The following ERC2 variants were observed in gnomAD, a reference collection of about 807,000 sequenced individuals.
The protein encoded by ERC2 is ERC protein 2.
ERC2 carries 42 observed loss-of-function variants against 114.8 expected under a neutral mutation model. The observed-to-expected ratio is 0.37, with a 90% confidence interval of 0.29 to 0.47. ERC2 has a LOEUF of 0.47. Ranked by LOEUF, ERC2 falls within the 20% of genes least tolerant of loss-of-function variation. The pLI is 0.99. For missense variants in ERC2, 939 were observed against 1,150.7 expected (o/e 0.82, Z 2.66); for synonymous variants, 454 against 425.5 (o/e 1.07, Z -0.82).
At chr3:55,564,916 C>T (rs1342153210) in intron 17 of ERC2, among the ~76,000 whole-genome samples, 1 of 152,244 alleles carries the variant, frequency 6.6e-6, no homozygotes, top group African/African-American at 2.4e-5. Flanking sequence ...CATATGTTCT[C>T]CGTGGCAGTA....
chr3:56,064,472 C>G (rs1019931789), intron 7 of ERC2, among the ~76,000 whole-genome samples: 2 of 152,208 alleles, frequency 1.3e-5, no homozygotes, highest in Non-Finnish European at 2.9e-5. Flanking sequence ...AATATCTCCA[C>G]TCCATGTCAA....
At chr3:56,071,854 C>T (rs1451821221) in intron 7 of ERC2, among the ~76,000 whole-genome samples, 1 of 152,198 alleles carries the variant, frequency 6.6e-6, no homozygotes, top group Non-Finnish European at 1.5e-5. Context: ...ATCCAAGAGA[C>T]ATGAAGCACA....
At chr3:56,327,398 A>G (rs2057411867) in intron 2 of ERC2, among the ~76,000 whole-genome samples, 1 of 152,202 alleles carries the variant, frequency 6.6e-6, no homozygotes, top group African/African-American at 2.4e-5. Flanking sequence ...CCATGATTCA[A>G]TTACCTCCAT....
At chr3:56,214,176 C>T (rs1050624751) in intron 3 of ERC2, among the ~76,000 whole-genome samples, 1 of 152,296 alleles carries the variant, frequency 6.6e-6, no homozygotes, top group South Asian at 2.1e-4. Context: ...AAGAAGGCTT[C>T]AGACAATCAA....
At chr3:56,374,128 G>A (rs149370265) in intron 2 of ERC2, among the ~76,000 whole-genome samples, 3 of 152,156 alleles carry the variant, frequency 2.0e-5, no homozygotes, top group South Asian at 2.1e-4. Flanking sequence ...ACTGAGTCTC[G>A]CTCTGTCGCC....
intron 14 of ERC2, among the ~76,000 whole-genome samples, chr3:55,837,249 A>T (rs1004286814): frequency 3.9e-5 from 6 of 152,212 alleles, no homozygotes; most frequent in Non-Finnish European, 7.3e-5. Flanking sequence ...CCATCCCATT[A>T]CTGGGTATAT....
chr3:55,790,988 C>A (rs556930676), intron 14 of ERC2, among the ~76,000 whole-genome samples: 3 of 152,232 alleles, frequency 2.0e-5, no homozygotes, highest in Non-Finnish European at 4.4e-5. Flanking sequence ...GGGTGGGTAA[C>A]CCACCTGGGC....
intron 7 of ERC2, among the ~76,000 whole-genome samples, chr3:56,032,700 C>A (rs922263408): frequency 1.2e-4 from 18 of 151,820 alleles, no homozygotes; most frequent in African/African-American, 4.1e-4. Context: ...ACAACAGGAA[C>A]CTTGGAACCC....
intron 6 of ERC2, among the ~76,000 whole-genome samples, chr3:56,088,175 C>T (rs1227679315): frequency 6.6e-6 from 1 of 152,118 alleles, no homozygotes; most frequent in Admixed American, 6.6e-5. Context: ...TACAAGATGG[C>T]AGAACCTTCC....
intron 3 of ERC2, among the ~76,000 whole-genome samples, chr3:56,199,023 T>G (rs1173752306): frequency 6.6e-6 from 1 of 152,178 alleles, no homozygotes; most frequent in Non-Finnish European, 1.5e-5. Flanking sequence ...AGGTATTTAT[T>G]GAGCATCTAT....
At chr3:56,192,898 T>C (rs1182351074) in intron 3 of ERC2, among the ~76,000 whole-genome samples, 3 of 152,128 alleles carry the variant, frequency 2.0e-5, no homozygotes, top group Admixed American at 6.6e-5. Context: ...GGTATCAGTT[T>C]TCCATAAGGT....
chr3:56,049,497 G>C (rs765875971), intron 7 of ERC2, among the ~76,000 whole-genome samples: 2 of 152,152 alleles, frequency 1.3e-5, no homozygotes, highest in Non-Finnish European at 2.9e-5. Flanking sequence ...TTTCTGTGAG[G>C]GTGTTGCCAA....
chr3:56,207,227 AG>A (rs1332914854), intron 3 of ERC2, among the ~76,000 whole-genome samples: 1 of 152,070 alleles, frequency 6.6e-6, no homozygotes, highest in Non-Finnish European at 1.5e-5. Context: ...ATTCAAAACA[AG>A]GGATTATTTT....
At chr3:56,127,533 G>T (rs2079944733) in intron 6 of ERC2, among the ~76,000 whole-genome samples, 1 of 152,036 alleles carries the variant, frequency 6.6e-6, no homozygotes, top group Admixed American at 6.5e-5. Context: ...TTCAAAACCA[G>T]CCTGCCCAAT....
intron 17 of ERC2, among the ~76,000 whole-genome samples, chr3:55,553,112 C>T (rs892543282): frequency 2.8e-5 from 4 of 144,778 alleles, no homozygotes; most frequent in African/African-American, 1.0e-4. Flanking sequence ...GCCTCCACCT[C>T]CCAGGTTCAA....
At chr3:55,899,578 C>T (rs1211973095) in intron 13 of ERC2, among the ~76,000 whole-genome samples, 2 of 151,770 alleles carry the variant, frequency 1.3e-5, no homozygotes, top group African/African-American at 4.8e-5. Flanking sequence ...TTATGGGCAC[C>T]CAATTGTTGA....
chr3:55,824,869 C>G (rs764010410), intron 14 of ERC2, among the ~76,000 whole-genome samples: 4 of 152,184 alleles, frequency 2.6e-5, no homozygotes, highest in Non-Finnish European at 5.9e-5. Flanking sequence ...CCTGCCCAAA[C>G]GTGGTTAGCC....
At chr3:55,995,944 T>C (rs992608522) in intron 10 of ERC2, among the ~76,000 whole-genome samples, 1 of 152,172 alleles carries the variant, frequency 6.6e-6, no homozygotes, top group African/African-American at 2.4e-5. Flanking sequence ...ATTTAGGCAA[T>C]ATTCTCGCCT....
At chr3:55,576,678 C>T (rs1160330661) in intron 17 of ERC2, among the ~76,000 whole-genome samples, 1 of 152,264 alleles carries the variant, frequency 6.6e-6, no homozygotes, top group African/African-American at 2.4e-5. Context: ...AGGAAACCCC[C>T]ACCTTGCATC....
Sources: allele counts gnomAD v4.1 joint callset (sites outside exome capture counted in the v4.1 genomes callset), GRCh38; gene constraint gnomAD v4.1.1; transcripts MANE v1.5; gene names NCBI Gene and HGNC (gene_info 2026-07-23, HGNC 2026-07-21).